Variants in FSTL5 observed in about 807,000 individuals in gnomAD.
The protein encoded by FSTL5 is follistatin like 5.
In FSTL5, 62 loss-of-function variants were observed where a neutral mutation model predicts 89.1. The ratio of observed to expected loss-of-function variants is 0.70; its 90% CI spans 0.57 to 0.86. The LOEUF (loss-of-function observed/expected upper bound fraction) is 0.86, where lower values mean the gene tolerates loss of function less well. FSTL5 is among the 40% of genes least tolerant of loss of function. The pLI is 0.00. For synonymous variants in FSTL5, 383 were observed against 346.2 expected (o/e 1.11, Z -1.18); for missense variants, 1,057 against 1,001.6 (o/e 1.06, Z -0.75).
intron 6 of FSTL5, among the ~76,000 whole-genome samples, chr4:161,722,591 AT>A (rs1739254296): frequency 6.6e-6 from 1 of 152,116 alleles, no homozygotes; most frequent in Non-Finnish European, 1.5e-5. Flanking sequence ...GCAATGATGT[AT>A]TTCCTTATAA....
chr4:161,670,169 G>A (rs1386634371), intron 6 of FSTL5, among the ~76,000 whole-genome samples: 1 of 152,160 alleles, frequency 6.6e-6, no homozygotes, highest in Non-Finnish European at 1.5e-5. Flanking sequence ...CAGTGTGGTA[G>A]ATTGGGAAGA....
intron 2 of FSTL5, among the ~76,000 whole-genome samples, chr4:162,097,180 A>C: frequency 6.6e-6 from 1 of 151,872 alleles, no homozygotes; most frequent in East Asian, 1.9e-4. Context: ...ATAATATATT[A>C]GGGAAATACT....
At chr4:161,742,690 T>C (rs1740068410) in intron 6 of FSTL5, among the ~76,000 whole-genome samples, 1 of 152,138 alleles carries the variant, frequency 6.6e-6, no homozygotes. Flanking sequence ...AGTGGATGAG[T>C]ATGATAAGAT....
intron 1 of FSTL5, among the ~76,000 whole-genome samples, chr4:162,147,716 T>A (rs1477398152): frequency 9.9e-5 from 15 of 152,108 alleles, no homozygotes; most frequent in Non-Finnish European, 1.5e-4. Context: ...TTTGTATCTA[T>A]AAAATTAATG....
chr4:161,920,655 G>GA lies in FSTL5; in HGVS notation c.161-4dup. On this transcript the variant is annotated splice_region_variant and splice_polypyrimidine_tract_variant and intron_variant, in intron 3 of 15. Coordinates refer to ENST00000306100, the MANE Select transcript of FSTL5 (RefSeq NM_020116.5). ...AGGGCCATCCTGAATCATAAATCCT[G>GA]AAGAATTAAAAAAAAATTGAAAATC... is the stretch of plus-strand genomic sequence containing the variant. The GA allele has an allele frequency of 6.7e-7, 1 of 1,489,622 alleles. No individual in the cohort carries two copies. Among genetic ancestry groups the GA allele is most frequent in the South Asian group, 1.2e-5 (1 of 84,556 alleles). The allele number at this position is 1,489,622 out of a possible 1,614,324, so 92.3% of individuals were successfully genotyped here. A position where few individuals can be genotyped will look rare whatever the true frequency, so the allele number is the denominator to read the frequency against.
At chr4:161,534,979 A>G (rs978415088) in intron 10 of FSTL5, among the ~76,000 whole-genome samples, 1 of 152,068 alleles carries the variant, frequency 6.6e-6, no homozygotes, top group Non-Finnish European at 1.5e-5. Flanking sequence ...GGAAAGGACT[A>G]TCTATTCAGT....
chr4:162,009,934 A>C (rs1578943750), intron 3 of FSTL5, among the ~76,000 whole-genome samples: 1 of 151,930 alleles, frequency 6.6e-6, no homozygotes. Flanking sequence ...TTTGAACTAA[A>C]GTCTCTTGGT....
intron 4 of FSTL5, among the ~76,000 whole-genome samples, chr4:161,891,306 C>T (rs1732981030): frequency 6.6e-6 from 1 of 151,922 alleles, no homozygotes; most frequent in Admixed American, 6.6e-5. Flanking sequence ...TGCTATTGTT[C>T]TTTTTCATAC....
intron 2 of FSTL5, among the ~76,000 whole-genome samples, chr4:162,041,146 G>A (rs1737937117): frequency 6.8e-6 from 1 of 147,528 alleles, no homozygotes; most frequent in Non-Finnish European, 1.5e-5. Flanking sequence ...TTGGGCAGCT[G>A]AAGGTGAGCT....
chr4:161,499,725 A>G (rs1254437436), intron 12 of FSTL5, among the ~76,000 whole-genome samples: 1 of 152,134 alleles, frequency 6.6e-6, no homozygotes, highest in African/African-American at 2.4e-5. Flanking sequence ...ATTGGAGAGC[A>G]GGCAAAGCTA....
intron 6 of FSTL5, among the ~76,000 whole-genome samples, chr4:161,719,685 A>C (rs2126749289): frequency 6.6e-6 from 1 of 151,734 alleles, no homozygotes; most frequent in African/African-American, 2.4e-5. Flanking sequence ...TTGGTGTACA[A>C]GTCCTTCACC....
intron 6 of FSTL5, among the ~76,000 whole-genome samples, chr4:161,698,140 C>T (rs1415771462): frequency 6.6e-6 from 1 of 152,100 alleles, no homozygotes; most frequent in African/African-American, 2.4e-5. Flanking sequence ...CTCCCTCACC[C>T]CTTCTGCCTT....
At chr4:162,010,873 T>C (rs1242261444) in intron 3 of FSTL5, among the ~76,000 whole-genome samples, 2 of 152,230 alleles carry the variant, frequency 1.3e-5, no homozygotes, top group Non-Finnish European at 2.9e-5. Context: ...TTCATTTTTT[T>C]CTTATTACAA....
At chr4:161,695,480 C>T (rs200288759) in intron 6 of FSTL5, among the ~76,000 whole-genome samples, 2 of 145,166 alleles carry the variant, frequency 1.4e-5, no homozygotes, top group Non-Finnish European at 1.5e-5. Context: ...AGACATATAT[C>T]ATATATATAT....
intron 2 of FSTL5, among the ~76,000 whole-genome samples, chr4:162,086,474 C>A (rs1205077904): frequency 6.6e-6 from 1 of 151,700 alleles, no homozygotes; most frequent in Non-Finnish European, 1.5e-5. Flanking sequence ...ATTTATAAAA[C>A]CTTCAGTTCT....
At chr4:161,544,297 G>A (rs888186215) in intron 8 of FSTL5, among the ~76,000 whole-genome samples, 16 of 152,080 alleles carry the variant, frequency 1.1e-4, no homozygotes, top group African/African-American at 3.9e-4. Context: ...CATTGCTGGT[G>A]GGAATATAAA....
At chr4:161,872,806 C>CAAAAACTAT (rs1319653675) in intron 4 of FSTL5, among the ~76,000 whole-genome samples, 4 of 151,874 alleles carry the variant, frequency 2.6e-5, no homozygotes, top group African/African-American at 9.7e-5. Context: ...AACTGAGGAA[C>CAAAAACTAT]AAAAACTATA....
At chr4:161,783,692 T>C (rs1398032415) in intron 4 of FSTL5, among the ~76,000 whole-genome samples, 1 of 26,698 alleles carries the variant, frequency 3.7e-5, no homozygotes, top group African/African-American at 1.2e-4. Context: ...TCTTTCTTTC[T>C]TTCTTTCTTT....
At chr4:161,505,788 T>C (rs1364187941) in intron 11 of FSTL5, among the ~76,000 whole-genome samples, 1 of 152,080 alleles carries the variant, frequency 6.6e-6, no homozygotes, top group African/African-American at 2.4e-5. Context: ...CAAATGGATA[T>C]CTCTTGCAAG....
Sources: gnomAD v4.1 joint callset for allele counts (sites outside exome capture counted in the v4.1 genomes callset) on GRCh38, gnomAD v4.1.1 for gene constraint, MANE v1.5 for transcripts, NCBI Gene and HGNC (gene_info 2026-07-23, HGNC 2026-07-21) for gene names.